PDE10A: variants seen among roughly 807,000 people sequenced by gnomAD.
PDE10A encodes phosphodiesterase 10A, also known as cAMP and cAMP-inhibited cGMP 3',5'-cyclic phosphodiesterase 10A.
Under a neutral mutation model 97.7 loss-of-function variants are expected in PDE10A, and 39 were observed. That is an observed-to-expected ratio of 0.40 (90% CI 0.31 to 0.52). PDE10A has a LOEUF of 0.52. PDE10A is among the 20% of genes least tolerant of loss of function. The probability of loss-of-function intolerance (pLI) is 0.56; values close to 1 mark genes in which losing one functional copy is unlikely to be tolerated. For synonymous variants in PDE10A, 371 were observed against 376.8 expected (o/e 0.98, Z 0.18); for missense variants, 731 against 1,047.8 (o/e 0.70, Z 4.17).
intron 1 of PDE10A, among the ~76,000 whole-genome samples, chr6:165,559,472 T>A (rs567421300): frequency 3.9e-4 from 59 of 152,354 alleles, no homozygotes; most frequent in African/African-American, 1.3e-3. Flanking sequence ...AATTACATAC[T>A]GTCTCATTAG....
At chr6:165,963,576 G>A (rs1391616821) in intron 1 of PDE10A, among the ~76,000 whole-genome samples, 1 of 152,206 alleles carries the variant, frequency 6.6e-6, no homozygotes. Flanking sequence ...GTGAGAGTTT[G>A]TCAGAAAGTA....
chr6:165,395,590 G>C (rs1786103356), intron 14 of PDE10A, among the ~76,000 whole-genome samples: 1 of 151,884 alleles, frequency 6.6e-6, no homozygotes, highest in Non-Finnish European at 1.5e-5. Context: ...TCATAGAAAA[G>C]GGGGGAAAAG....
intron 1 of PDE10A, among the ~76,000 whole-genome samples, chr6:165,627,083 C>T (rs577758205): frequency 1.3e-5 from 2 of 152,312 alleles, no homozygotes; most frequent in South Asian, 4.1e-4. Context: ...AGGTCACTTC[C>T]CATTGGTTCG....
intron 1 of PDE10A, among the ~76,000 whole-genome samples, chr6:165,955,848 A>T (rs1381252652): frequency 2.0e-5 from 3 of 152,258 alleles, no homozygotes; most frequent in African/African-American, 7.2e-5. Flanking sequence ...GTATAACATA[A>T]CTACCAAAGG....
chr6:165,704,245 T>G (rs1235533140), intron 1 of PDE10A, among the ~76,000 whole-genome samples: 4 of 152,120 alleles, frequency 2.6e-5, no homozygotes, highest in Non-Finnish European at 4.4e-5. Context: ...GCAGCAGCTC[T>G]GGAGGGATCT....
At chr6:165,724,138 G>A (rs1018642235) in intron 1 of PDE10A, among the ~76,000 whole-genome samples, 3 of 152,204 alleles carry the variant, frequency 2.0e-5, no homozygotes, top group African/African-American at 7.2e-5. Context: ...CACACACTGG[G>A]CATGGTTTAT....
At chr6:165,942,563 G>A (rs968898315) in intron 1 of PDE10A, among the ~76,000 whole-genome samples, 8 of 152,046 alleles carry the variant, frequency 5.3e-5, no homozygotes, top group South Asian at 2.1e-4. Flanking sequence ...GCCAGGGCTC[G>A]CCGCTCTGCC....
intron 1 of PDE10A, among the ~76,000 whole-genome samples, chr6:165,851,899 T>TCAAGACCAA: frequency 6.6e-6 from 1 of 152,316 alleles, no homozygotes; most frequent in African/African-American, 2.4e-5. Flanking sequence ...AAGACCAACT[T>TCAAGACCAA]GGGCAACATG....
At chr6:165,632,849 A>G (rs1177313067) in intron 1 of PDE10A, among the ~76,000 whole-genome samples, 1 of 152,172 alleles carries the variant, frequency 6.6e-6, no homozygotes, top group African/African-American at 2.4e-5. Context: ...CATCTGTGGG[A>G]GATCATTTTG....
chr6:165,786,221 G>A (rs778523413), intron 1 of PDE10A, among the ~76,000 whole-genome samples: 9 of 152,298 alleles, frequency 5.9e-5, no homozygotes, highest in Non-Finnish European at 1.0e-4. Context: ...AAAAGCCCCT[G>A]ATACAGTCTA....
At chr6:165,888,624 AC>A (rs1196139785) in intron 1 of PDE10A, among the ~76,000 whole-genome samples, 9 of 152,004 alleles carry the variant, frequency 5.9e-5, no homozygotes, top group Admixed American at 5.2e-4. Flanking sequence ...CGGGAATGTA[AC>A]TTCTACCAAG....
chr6:165,644,870 C>T (rs369715487), intron 1 of PDE10A, among the ~76,000 whole-genome samples: 2 of 152,284 alleles, frequency 1.3e-5, no homozygotes, highest in South Asian at 2.1e-4. Flanking sequence ...CCAGGGCAAG[C>T]GTGATTGTCT....
At chr6:165,754,458 G>A (rs1183374864) in intron 1 of PDE10A, 1 of 152,112 alleles carries the variant, frequency 6.6e-6, no homozygotes, top group Non-Finnish European at 1.5e-5. Context: ...TAGCATTTCA[G>A]CAAAGTGCTG....
intron 2 of PDE10A, among the ~76,000 whole-genome samples, chr6:165,529,697 C>T (rs367901373): frequency 6.6e-6 from 1 of 152,260 alleles, no homozygotes; most frequent in East Asian, 1.9e-4. Context: ...GACTTCATAT[C>T]GGCATTGAAG....
At chr6:165,691,106 T>TCTCTCCCTC (rs143783728) in intron 1 of PDE10A, among the ~76,000 whole-genome samples, 1 of 39,094 alleles carries the variant, frequency 2.6e-5, no homozygotes, top group African/African-American at 1.1e-4. Flanking sequence ...TCTTTCTCTC[T>TCTCTCCCTC]CCCCCCCCCC....
chr6:165,868,849 G>A (rs945493654), intron 1 of PDE10A, among the ~76,000 whole-genome samples: 12 of 135,660 alleles, frequency 8.8e-5, no homozygotes, highest in Non-Finnish European at 9.4e-5. Context: ...TCCCAGGGAT[G>A]CGAGGATGGT....
At chr6:165,574,877 T>C (rs1228934402) in intron 1 of PDE10A, among the ~76,000 whole-genome samples, 3 of 152,214 alleles carry the variant, frequency 2.0e-5, no homozygotes, top group Admixed American at 2.0e-4. Flanking sequence ...TATGATTCAT[T>C]TGCTCCCTGC....
intron 18 of PDE10A, among the ~76,000 whole-genome samples, chr6:165,349,585 A>C (rs1443485359): frequency 6.6e-6 from 1 of 152,222 alleles, no homozygotes; most frequent in East Asian, 1.9e-4. Flanking sequence ...CAGCTGCAGA[A>C]ATTTGCTTAA....
Position 165,857,728 on chromosome 6 carries a change from TGTGTGTGTGA to T in PDE10A, c.-615+129791_-615+129800del, listed in dbSNP as rs749380261. Among the ~76,000 whole-genome samples, 294 of 120,358 alleles carry T rather than the reference TGTGTGTGTGA, an allele frequency of 2.4e-3. 1 individual carries two copies. Among genetic ancestry groups the T allele is most frequent in the South Asian group, 5.4e-3 (17 of 3,128 alleles). 79.0% of individuals were successfully genotyped at this position (120,358 alleles called of 152,430 possible). A position where few individuals can be genotyped will look rare whatever the true frequency, so the allele number is the denominator to read the frequency against. ...GTGTGTGTGTGTGTGTGTGTGTGTGTGTGTGTGTGAAGAATGATTGTGCTCTTTGGGGCAA... is the reference window on the plus strand; with the variant it reads ...GTGTGTGTGTGTGTGTGTGTGTGTGTAGAATGATTGTGCTCTTTGGGGCAA... On this transcript the variant is annotated intron_variant, in intron 1 of 19. Coordinates refer to the PDE10A transcript ENST00000366882.
Sources: gnomAD v4.1 joint callset for allele counts (sites outside exome capture counted in the v4.1 genomes callset) on GRCh38, gnomAD v4.1.1 for gene constraint, MANE v1.5 for transcripts, NCBI Gene and HGNC (gene_info 2026-07-23, HGNC 2026-07-21) for gene names.